Variants in GRIN2A observed in about 807,000 individuals in gnomAD.
GRIN2A encodes glutamate receptor ionotropic, NMDA 2A.
A neutral mutation model predicts 113.4 loss-of-function variants in GRIN2A; 22 were observed. That is an observed-to-expected ratio of 0.19 (90% CI 0.14 to 0.28). The LOEUF (loss-of-function observed/expected upper bound fraction) is 0.28, where lower values mean the gene tolerates loss of function less well. Ranked by LOEUF, GRIN2A falls within the 10% of genes least tolerant of loss-of-function variation. The probability of loss-of-function intolerance (pLI) is 1.00; values close to 1 mark genes in which losing one functional copy is unlikely to be tolerated. For missense variants in GRIN2A, 1,502 were observed against 1,887.0 expected (o/e 0.80, Z 3.78); for synonymous variants, 827 against 738.4 (o/e 1.12, Z -1.94).
At chr16:10,029,834 T>C (rs2046895734) in intron 2 of GRIN2A, among the ~76,000 whole-genome samples, 1 of 151,824 alleles carries the variant, frequency 6.6e-6, no homozygotes, top group Non-Finnish European at 1.5e-5. Context: ...CCGTCTCTAC[T>C]AAAAATACAA....
chr16:9,808,501 G>T (rs1044820639), intron 10 of GRIN2A, among the ~76,000 whole-genome samples: 2 of 152,176 alleles, frequency 1.3e-5, no homozygotes, highest in Admixed American at 6.5e-5. Context: ...ATCGAGATTT[G>T]TGAAAATGCT....
chr16:10,080,183 T>G (rs895427862), intron 2 of GRIN2A, among the ~76,000 whole-genome samples: 1 of 152,222 alleles, frequency 6.6e-6, no homozygotes, highest in Non-Finnish European at 1.5e-5. Flanking sequence ...GAGATCTGAT[T>G]TGCCTCTGTA....
intron 2 of GRIN2A, among the ~76,000 whole-genome samples, chr16:10,150,687 C>T (rs1212769952): frequency 6.7e-6 from 1 of 149,526 alleles, no homozygotes; most frequent in Non-Finnish European, 1.5e-5. Context: ...CGGCTCACTT[C>T]CTCACCTCCT....
chr16:10,078,903 T>C (rs2047929924), intron 2 of GRIN2A, among the ~76,000 whole-genome samples: 1 of 152,236 alleles, frequency 6.6e-6, no homozygotes, highest in African/African-American at 2.4e-5. Context: ...GCATTGCAAT[T>C]GCAAACACTG....
chr16:9,922,112 G>C (rs1235167528), intron 3 of GRIN2A, among the ~76,000 whole-genome samples: 2 of 152,090 alleles, frequency 1.3e-5, no homozygotes, highest in African/African-American at 4.8e-5. Context: ...TCTTTCTTAA[G>C]TGGAAGAAAA....
chr16:9,790,818 C>T (rs1235638091), intron 11 of GRIN2A, among the ~76,000 whole-genome samples: 2 of 152,154 alleles, frequency 1.3e-5, no homozygotes, highest in Non-Finnish European at 2.9e-5. Flanking sequence ...CTAATTCATT[C>T]ATTTGTTCAT....
chr16:10,181,624 A>C (rs2050273850), intron 1 of GRIN2A: 1 of 152,242 alleles, frequency 6.6e-6, no homozygotes, highest in Non-Finnish European at 1.5e-5. Context: ...GCGTGCCCTG[A>C]CGCGCGCCTC....
At chr16:10,084,111 CA>C (rs1021074533) in intron 2 of GRIN2A, among the ~76,000 whole-genome samples, 15 of 152,110 alleles carry the variant, frequency 9.9e-5, no homozygotes, top group Non-Finnish European at 2.1e-4. Flanking sequence ...ACAACAACAA[CA>C]AAAGGCATTC....
intron 2 of GRIN2A, among the ~76,000 whole-genome samples, chr16:10,095,249 A>C (rs1293949069): frequency 1.3e-5 from 2 of 152,138 alleles, no homozygotes; most frequent in African/African-American, 4.8e-5. Flanking sequence ...GAAAAAAATA[A>C]ATTTTTGTTG....
intron 11 of GRIN2A, among the ~76,000 whole-genome samples, chr16:9,781,656 C>T (rs7205117): frequency 0.37 from 56,408 of 152,054 alleles, 10,561 homozygotes; most frequent in African/African-American, 0.39. Context: ...TCACTGCACC[C>T]AGGGTTAACA....
At chr16:9,912,053 A>T (rs1397240600) in intron 3 of GRIN2A, among the ~76,000 whole-genome samples, 1 of 152,198 alleles carries the variant, frequency 6.6e-6, no homozygotes, top group Non-Finnish European at 1.5e-5. Flanking sequence ...GTGCTGGCAC[A>T]CAGTGAGCAC....
intron 4 of GRIN2A, among the ~76,000 whole-genome samples, chr16:9,883,774 G>A (rs942943673): frequency 6.6e-6 from 1 of 152,196 alleles, no homozygotes; most frequent in Non-Finnish European, 1.5e-5. Context: ...GGGCTGGAGG[G>A]AGAGATCTGG....
chr16:9,944,597 A>G (rs934273627), intron 2 of GRIN2A, among the ~76,000 whole-genome samples: 1 of 152,174 alleles, frequency 6.6e-6, no homozygotes, highest in Admixed American at 6.5e-5. Flanking sequence ...TAAAGATTTT[A>G]ATCTGGATCG....
In GRIN2A at chr16:9,759,239, C is replaced by T; in HGVS notation, c.*3910G>A. The stretch of plus-strand genomic sequence containing the variant: ...TTTATATGACAACTGATTATTAAAG[C>T]TGCACTTTTTAGATTTAAAGGAGAT... On this transcript the variant is annotated 3_prime_UTR_variant, in exon 13 of 13. Transcript: ENST00000330684. 4.5e-6 allele frequency: 1 copy of T among 220,102 alleles called. No homozygotes were observed. The highest frequency in any genetic ancestry group is 9.1e-6 in the Non-Finnish European group (1 of 109,882). 13.6% of individuals were successfully genotyped at this position (220,102 alleles called of 1,614,324 possible).
chr16:9,769,188 A>G, intron 11 of GRIN2A, 99 bp from the exon 12 acceptor site: 3 of 918,142 alleles, frequency 3.3e-6, no homozygotes, highest in East Asian at 2.4e-5. Flanking sequence ...ACTCACAGCT[A>G]TGTAACCTTA....
At chr16:9,811,769 C>T (rs904066258) in intron 10 of GRIN2A, among the ~76,000 whole-genome samples, 3 of 152,090 alleles carry the variant, frequency 2.0e-5, no homozygotes, top group African/African-American at 4.8e-5. Flanking sequence ...AAAAAACAAA[C>T]AAACAAAAAC....
At chr16:9,995,055 G>A (rs201260592) in intron 2 of GRIN2A, among the ~76,000 whole-genome samples, 2 of 152,282 alleles carry the variant, frequency 1.3e-5, no homozygotes, top group African/African-American at 4.8e-5. Flanking sequence ...CTGGGAGAAA[G>A]GAAGACTGTT....
chr16:10,001,911 A>T (rs1225417047), intron 2 of GRIN2A, among the ~76,000 whole-genome samples: 1 of 152,230 alleles, frequency 6.6e-6, no homozygotes, highest in Non-Finnish European at 1.5e-5. Context: ...TTACTCATTG[A>T]TAAACCAGGA....
chr16:10,043,964 C>CACACACATATATGTATATATAT (rs2047211776), intron 2 of GRIN2A, among the ~76,000 whole-genome samples: 1 of 123,828 alleles, frequency 8.1e-6, no homozygotes, highest in Non-Finnish European at 1.8e-5. Flanking sequence ...TATATATATA[C>CACACACATATATGTATATATAT]ACACACACAT....
Sources: gnomAD v4.1 joint callset for allele counts (sites outside exome capture counted in the v4.1 genomes callset) on GRCh38, gnomAD v4.1.1 for gene constraint, MANE v1.5 for transcripts, NCBI Gene and HGNC (gene_info 2026-07-23, HGNC 2026-07-21) for gene names.